Variants in PDE3B observed in about 807,000 individuals in gnomAD.
PDE3B encodes the protein cGMP-inhibited 3',5'-cyclic phosphodiesterase 3B.
A neutral mutation model predicts 116.8 loss-of-function variants in PDE3B; 66 were observed. The ratio of observed to expected loss-of-function variants is 0.56; its 90% CI spans 0.46 to 0.69. The LOEUF (loss-of-function observed/expected upper bound fraction) is 0.69. Among genes scored for constraint, PDE3B ranks in the 30% least tolerant of loss-of-function variants. The pLI, the probability that PDE3B is intolerant of heterozygous loss-of-function variation, is 0.00. For synonymous variants in PDE3B, 595 were observed against 533.6 expected (o/e 1.12, Z -1.59); for missense variants, 1,384 against 1,368.1 (o/e 1.01, Z -0.18).
intron 2 of PDE3B, chr11:14,775,881 A>T (rs192319579): frequency 2.6e-5 from 4 of 152,362 alleles, no homozygotes; most frequent in Admixed American, 2.0e-4. Flanking sequence ...TAATAATAAC[A>T]GTACTATCTT....
chr11:14,669,157 G>A (rs1254608643), intron 1 of PDE3B, among the ~76,000 whole-genome samples: 1 of 152,164 alleles, frequency 6.6e-6, no homozygotes, highest in African/African-American at 2.4e-5. Context: ...TTAAGACTCA[G>A]AGAGTAGCTG....
chr11:14,880,837 A>C, the PDE3B span: 1 of 1,443,472 alleles, frequency 6.9e-7, no homozygotes, highest in East Asian at 2.5e-5. Context: ...AGGGAACAAA[A>C]TTTTTTTAAT....
chr11:14,780,311 G>T (rs184640233), intron 2 of PDE3B, among the ~76,000 whole-genome samples: 2 of 152,098 alleles, frequency 1.3e-5, no homozygotes, highest in Non-Finnish European at 2.9e-5. Context: ...TGCACCAAGC[G>T]AACCTAATAG....
the PDE3B span, among the ~76,000 whole-genome samples, chr11:14,895,183 A>C: frequency 6.6e-6 from 1 of 152,166 alleles, no homozygotes; most frequent in Non-Finnish European, 1.5e-5. Flanking sequence ...TGTCCCAGAG[A>C]GCTCCCCACA....
At chr11:14,693,906 G>T (rs1314815604) in intron 1 of PDE3B, among the ~76,000 whole-genome samples, 1 of 152,142 alleles carries the variant, frequency 6.6e-6, no homozygotes, top group Non-Finnish European at 1.5e-5. Context: ...AACCTGGAAA[G>T]GATTGACCAT....
Position 14,843,939 on chromosome 11 carries a change from G to A in PDE3B, c.2433G>A (p.Leu811=). The A allele has an allele frequency of 6.2e-7, 1 of 1,614,084 alleles. No individual in the cohort carries two copies. Among genetic ancestry groups the A allele is most frequent in the Admixed American group, 1.7e-5 (1 of 60,024 alleles). The change falls in exon 12 of 16, where the codon TTG becomes TTA. Residue 811 remains leucine, a synonymous_variant. Coordinates refer to ENST00000282096, the MANE Select transcript of PDE3B (RefSeq NM_000922.4). ...CLSSNIPALE[L]MALYVAAAMH... is the part of the protein sequence containing the mutation. ...CTTCAAACATTCCTGCATTAGAATT[G>A]ATGGCTCTATACGTGGCAGCTGCCA...
intron 12 of PDE3B, among the ~76,000 whole-genome samples, chr11:14,847,046 A>G (rs553860090): frequency 6.6e-6 from 1 of 152,330 alleles, no homozygotes; most frequent in Non-Finnish European, 1.5e-5. Context: ...CATTTTTTTC[A>G]GCACCAGACC....
At chr11:14,718,679 C>A (rs1237327941) in intron 1 of PDE3B, among the ~76,000 whole-genome samples, 3 of 150,500 alleles carry the variant, frequency 2.0e-5, no homozygotes, top group East Asian at 2.0e-4. Flanking sequence ...CTACTGGGTA[C>A]ATAATGAAAT....
Position 14,804,720 on chromosome 11 carries a change from A to G in PDE3B, c.1522+670A>G, listed in dbSNP as rs74675551. ...GTAGGCACTAGAAAAAGATCTATATATGATATTGATGCTGTATTTTACAAT... is the reference window on the plus strand; with the variant it reads ...GTAGGCACTAGAAAAAGATCTATATGTGATATTGATGCTGTATTTTACAAT... On this transcript the variant is annotated intron_variant, in intron 5 of 15. Transcript: ENST00000282096. 1.6e-3 allele frequency among the ~76,000 whole-genome samples: 238 copies of G among 152,284 alleles called. 7 individuals carry two copies. In the East Asian group the frequency reaches 0.04, roughly 26 times the overall value.
intron 1 of PDE3B, among the ~76,000 whole-genome samples, chr11:14,739,458 C>T (rs897068596): frequency 1.3e-5 from 2 of 152,120 alleles, no homozygotes; most frequent in African/African-American, 4.8e-5. Flanking sequence ...GACTTTGTAT[C>T]CTGAGACTTG....
chr11:14,666,587 GA>G (rs1276733662), intron 1 of PDE3B, among the ~76,000 whole-genome samples: 1 of 150,828 alleles, frequency 6.6e-6, no homozygotes, highest in South Asian at 2.1e-4. Flanking sequence ...AAATTTACAA[GA>G]AAAAAACACA....
In PDE3B at chr11:14,830,686, A is replaced by ATT. The variant is rs755622414; in HGVS notation, c.1808-7_1808-6dup. On this transcript the variant is annotated splice_polypyrimidine_tract_variant and intron_variant, in intron 7 of 15. Transcript: ENST00000282096. ...TTTACTCCTATATATTACTATATAT[A>ATT]TTTTTTGAAAGGTGAAGAAGAAAAC... The ATT allele has an allele frequency of 7.4e-7, 1 of 1,359,380 alleles. No individual in the cohort carries two copies. The highest frequency in any genetic ancestry group is 9.9e-7 in the Non-Finnish European group (1 of 1,009,820). The allele number at this position is 1,359,380 out of a possible 1,614,324, so 84.2% of individuals were successfully genotyped here.
rs1464082703 is a variant in PDE3B, at chr11:14,791,258, G to A, written c.1415+2016G>A. On this transcript the variant is annotated intron_variant, in intron 4 of 15. Transcript: ENST00000282096. ...CTTTATATTATAGTACTCCAGAATC[G>A]AGATCTCATATCCTTGATTTTGAGT... is the stretch of plus-strand genomic sequence containing the variant. Among the ~76,000 whole-genome samples, 6 of 151,960 alleles carry A rather than the reference G, an allele frequency of 3.9e-5. No homozygotes were observed. In the South Asian group the frequency reaches 8.3e-4, roughly 21 times the overall value.
the PDE3B span, among the ~76,000 whole-genome samples, chr11:14,898,396 T>C: frequency 6.6e-6 from 1 of 152,134 alleles, no homozygotes; most frequent in Non-Finnish European, 1.5e-5. Flanking sequence ...GTCCAGGGGA[T>C]GGGGCAGTAA....
At chr11:14,781,570 T>A (rs1437241747) in intron 2 of PDE3B, among the ~76,000 whole-genome samples, 1 of 152,182 alleles carries the variant, frequency 6.6e-6, no homozygotes, top group East Asian at 1.9e-4. Flanking sequence ...CACATGATTA[T>A]CTCAATAGAT....
rs116226855 is a variant in PDE3B at position 14,645,864 on chromosome 11, A to G, written c.978+811A>G. Among the ~76,000 whole-genome samples, 356 of 152,290 alleles carry G rather than the reference A, an allele frequency of 2.3e-3. 2 individuals carry two copies. Among genetic ancestry groups the G allele is most frequent in the African/African-American group, 8.0e-3 (332 of 41,550 alleles). ...AGCTACCTGTTGTACATCACCAAGA[A>G]ACTTAATAAGTATAGTTACTATTAT... On this transcript the variant is annotated intron_variant, in intron 1 of 15. Coordinates refer to ENST00000282096, the MANE Select transcript of PDE3B (RefSeq NM_000922.4).
At position 14,852,217 on chromosome 11, in the gene PDE3B, C is replaced by T. The variant is rs185849045; in HGVS notation, c.2521-6826C>T. 1.1e-3 allele frequency among the ~76,000 whole-genome samples: 165 copies of T among 152,116 alleles called. 1 individual carries two copies. The highest frequency in any genetic ancestry group is 5.0e-3 in the East Asian group (26 of 5,160). ...GATTACAGGTGCCTGCCACCATGCCCGGCTAATTTTTTATTTGTAGTAGAG... is the reference window on the plus strand; with the variant it reads ...GATTACAGGTGCCTGCCACCATGCCTGGCTAATTTTTTATTTGTAGTAGAG... On this transcript the variant is annotated intron_variant, in intron 12 of 15. Transcript: ENST00000282096.
intron 5 of PDE3B, among the ~76,000 whole-genome samples, chr11:14,805,038 A>G (rs951766990): frequency 2.6e-5 from 4 of 152,192 alleles, no homozygotes; most frequent in Non-Finnish European, 5.9e-5. Flanking sequence ...GGGACACAGA[A>G]GTTCTAAAAT....
chr11:14,845,488 A>G (rs1847578307), intron 12 of PDE3B, among the ~76,000 whole-genome samples: 1 of 152,254 alleles, frequency 6.6e-6, no homozygotes, highest in South Asian at 2.1e-4. Flanking sequence ...AGCTGGACGG[A>G]GAATGACTTT....
Sources: gnomAD v4.1 joint callset for allele counts (sites outside exome capture counted in the v4.1 genomes callset) on GRCh38, gnomAD v4.1.1 for gene constraint, MANE v1.5 for transcripts, NCBI Gene and HGNC (gene_info 2026-07-23, HGNC 2026-07-21) for gene names.